TPD52L1: variants seen among roughly 807,000 people sequenced by gnomAD.
The protein encoded by TPD52L1 is tumor protein D53.
A neutral mutation model predicts 28.7 loss-of-function variants in TPD52L1; 18 were observed. The observed-to-expected ratio is 0.63, with a 90% CI of 0.43 to 0.93. The LOEUF (loss-of-function observed/expected upper bound fraction) is 0.93, where lower values mean the gene tolerates loss of function less well. Among genes scored for constraint, TPD52L1 ranks in the 40% least tolerant of loss-of-function variants. The pLI, the probability that TPD52L1 is intolerant of heterozygous loss-of-function variation, is 0.00. For missense variants in TPD52L1, 203 were observed against 254.8 expected (o/e 0.80, Z 1.39); for synonymous variants, 75 against 88.8 (o/e 0.84, Z 0.88).
At chr6:125,245,210 C>T (rs1796855799) in intron 3 of TPD52L1, among the ~76,000 whole-genome samples, 1 of 152,118 alleles carries the variant, frequency 6.6e-6, no homozygotes, top group Non-Finnish European at 1.5e-5. Flanking sequence ...GCAGTGAAGT[C>T]GTCATGTGGA....
intron 1 of TPD52L1, among the ~76,000 whole-genome samples, chr6:125,175,446 T>C (rs1016899689): frequency 1.3e-5 from 2 of 152,222 alleles, no homozygotes; most frequent in African/African-American, 4.8e-5. Flanking sequence ...GTATTAAATG[T>C]TGTTCCCAAC....
intron 4 of TPD52L1, among the ~76,000 whole-genome samples, chr6:125,250,970 A>G (rs1160168104): frequency 6.6e-6 from 1 of 152,232 alleles, no homozygotes; most frequent in Non-Finnish European, 1.5e-5. Context: ...TTTTATGTGT[A>G]TATTTCTCTC....
intron 1 of TPD52L1, among the ~76,000 whole-genome samples, chr6:125,164,616 A>G (rs1197677420): frequency 6.6e-6 from 1 of 152,240 alleles, no homozygotes; most frequent in Non-Finnish European, 1.5e-5. Context: ...GTACCCCAAA[A>G]AAGAAAGCAT....
intron 1 of TPD52L1, among the ~76,000 whole-genome samples, chr6:125,172,080 C>CTT (rs1554202335): frequency 1.1e-5 from 1 of 92,322 alleles, no homozygotes; most frequent in African/African-American, 6.2e-5. Flanking sequence ...TTCTTTCTTT[C>CTT]TCTTTCTTTC....
intron 1 of TPD52L1, among the ~76,000 whole-genome samples, chr6:125,208,534 T>A (rs571823180): frequency 6.6e-5 from 10 of 152,232 alleles, no homozygotes; most frequent in African/African-American, 1.9e-4. Flanking sequence ...AATGCCTTTT[T>A]TTTTTGGCAC....
chr6:125,189,356 G>T (rs1346134640), intron 1 of TPD52L1, among the ~76,000 whole-genome samples: 1 of 152,170 alleles, frequency 6.6e-6, no homozygotes. Flanking sequence ...TTATGTACAG[G>T]CATTTAAAGT....
intron 1 of TPD52L1, among the ~76,000 whole-genome samples, chr6:125,159,533 T>A (rs1790370661): frequency 6.6e-6 from 1 of 152,186 alleles, no homozygotes; most frequent in African/African-American, 2.4e-5. Context: ...GGAGTCCACA[T>A]CTTCCAAACT....
At chr6:125,261,663 T>G (rs534833446) in intron 6 of TPD52L1, 1 of 136,014 alleles carries the variant, frequency 7.4e-6, no homozygotes, top group African/African-American at 2.6e-5. Flanking sequence ...TTGCATTACA[T>G]GTTTTTTTTC....
chr6:125,168,932 G>C (rs552477460), intron 1 of TPD52L1, among the ~76,000 whole-genome samples: 3 of 152,076 alleles, frequency 2.0e-5, no homozygotes, highest in Admixed American at 2.0e-4. Flanking sequence ...TTTGGATTCC[G>C]TTAGAGTTGG....
intron 2 of TPD52L1, among the ~76,000 whole-genome samples, chr6:125,223,735 A>G (rs1466154436): frequency 6.8e-6 from 1 of 147,518 alleles, no homozygotes; most frequent in African/African-American, 2.6e-5. Flanking sequence ...AAAAAAAGGA[A>G]TCTCTTTTAA....
chr6:125,234,329 A>G (rs1796128164), intron 3 of TPD52L1: 1 of 152,196 alleles, frequency 6.6e-6, no homozygotes, highest in Non-Finnish European at 1.5e-5. Flanking sequence ...CACAAGGGCA[A>G]ATTTCTCTTC....
chr6:125,191,388 A>G (rs762865600), intron 1 of TPD52L1, among the ~76,000 whole-genome samples: 124 of 152,174 alleles, frequency 8.1e-4, no homozygotes, highest in Non-Finnish European at 9.6e-4. Context: ...GGAGAGTCCA[A>G]ACGTTTTTTT....
At chr6:125,155,554 G>C (rs1327754958) in intron 1 of TPD52L1, among the ~76,000 whole-genome samples, 1 of 152,188 alleles carries the variant, frequency 6.6e-6, no homozygotes, top group Non-Finnish European at 1.5e-5. Flanking sequence ...CCTTTGCCAA[G>C]CACTGTGCTA....
intron 2 of TPD52L1, among the ~76,000 whole-genome samples, chr6:125,227,458 G>T (rs527800406): frequency 1.3e-5 from 2 of 152,284 alleles, no homozygotes; most frequent in African/African-American, 2.4e-5. Context: ...AGCCTGACAG[G>T]GTTGGTGTGA....
intron 3 of TPD52L1, among the ~76,000 whole-genome samples, chr6:125,235,280 C>T (rs1025310214): frequency 1.3e-5 from 2 of 151,854 alleles, no homozygotes; most frequent in Non-Finnish European, 1.5e-5. Flanking sequence ...CTGTGCAATA[C>T]GTAACTCCTG....
chr6:125,184,486 G>A (rs1282786146), intron 1 of TPD52L1, among the ~76,000 whole-genome samples: 1 of 152,204 alleles, frequency 6.6e-6, no homozygotes, highest in East Asian at 1.9e-4. Flanking sequence ...TTTGGTCTGT[G>A]GCTCCAAAGA....
intron 1 of TPD52L1, among the ~76,000 whole-genome samples, chr6:125,203,233 T>C (rs10872294): frequency 0.032 from 4,831 of 152,276 alleles, 85 homozygotes; most frequent in Middle Eastern, 0.048. Flanking sequence ...TCATACACTA[T>C]GGGAGTTTGT....
intron 1 of TPD52L1, among the ~76,000 whole-genome samples, chr6:125,191,477 A>C (rs918662493): frequency 3.3e-5 from 5 of 152,206 alleles, no homozygotes; most frequent in African/African-American, 1.2e-4. Context: ...TGATGTGTTT[A>C]AAATTGGGTG....
intron 1 of TPD52L1, among the ~76,000 whole-genome samples, chr6:125,197,045 G>T (rs547236877): frequency 6.6e-6 from 1 of 152,280 alleles, no homozygotes; most frequent in African/African-American, 2.4e-5. Flanking sequence ...TTTTTCCCAA[G>T]CTTTTCTATA....
Sources: allele counts gnomAD v4.1 joint callset (sites outside exome capture counted in the v4.1 genomes callset), GRCh38; gene constraint gnomAD v4.1.1; transcripts MANE v1.5; gene names NCBI Gene and HGNC (gene_info 2026-07-23, HGNC 2026-07-21).